The following KCNMA1 variants were observed in gnomAD, a reference collection of about 807,000 sequenced individuals.
KCNMA1 encodes Calcium-activated potassium channel subunit alpha-1.
KCNMA1 carries 29 observed loss-of-function variants against 140.0 expected under a neutral mutation model. The ratio of observed to expected loss-of-function variants is 0.21; its 90% CI spans 0.15 to 0.28. The LOEUF (loss-of-function observed/expected upper bound fraction) is 0.28. Among genes scored for constraint, KCNMA1 ranks in the 10% least tolerant of loss-of-function variants. The probability of loss-of-function intolerance (pLI) is 1.00; values close to 1 mark genes in which losing one functional copy is unlikely to be tolerated. For synonymous variants in KCNMA1, 612 were observed against 611.9 expected (o/e 1.00, Z 0.00); for missense variants, 880 against 1,602.2 (o/e 0.55, Z 7.70).
In KCNMA1 at chr10:77,344,857, G is replaced by A. The variant is rs116730556; in HGVS notation, c.540+59005C>T. Among the ~76,000 whole-genome samples, 1,338 of 152,054 alleles carry A rather than the reference G, an allele frequency of 8.8e-3. 22 individuals are homozygous for A. The highest frequency in any genetic ancestry group is 0.031 in the African/African-American group (1,266 of 41,468). On this transcript the variant is annotated intron_variant, in intron 2 of 27. Coordinates refer to ENST00000286628, the MANE Select transcript of KCNMA1 (RefSeq NM_001161352.2). ...AAAGACGGAGACCTTTCCTGTCTCC[G>A]TTGGCCACATCCCCAACACCACACC...
intron 27 of KCNMA1, 53 bp from the exon 28 acceptor site, chr10:76,887,568 T>C: frequency 6.2e-7 from 1 of 1,606,080 alleles, no homozygotes; most frequent in Non-Finnish European, 8.5e-7. Context: ...AGTAAAGAAT[T>C]CAACTCTCTC....
intron 2 of KCNMA1, among the ~76,000 whole-genome samples, chr10:77,354,848 T>C (rs1177495280): frequency 6.6e-6 from 1 of 152,192 alleles, no homozygotes; most frequent in African/African-American, 2.4e-5. Flanking sequence ...CTTGGAGCTA[T>C]ATAGAACCTT....
chr10:76,878,767 T>A (rs1475184938), intron 29 of KCNMA1, among the ~76,000 whole-genome samples: 1 of 152,100 alleles, frequency 6.6e-6, no homozygotes, highest in Non-Finnish European at 1.5e-5. Context: ...TCTAGCATCC[T>A]CTTAGCAGTG....
intron 1 of KCNMA1, among the ~76,000 whole-genome samples, chr10:77,632,388 C>A (rs2093318004): frequency 6.6e-6 from 1 of 152,104 alleles, no homozygotes; most frequent in African/African-American, 2.4e-5. Context: ...TGGAATTTGT[C>A]CCTCCTCAAG....
At chr10:76,945,884 C>T (rs1390584559) in intron 22 of KCNMA1, among the ~76,000 whole-genome samples, 1 of 151,838 alleles carries the variant, frequency 6.6e-6, no homozygotes, top group Non-Finnish European at 1.5e-5. Flanking sequence ...GGAAAAATAG[C>T]CATTACACTA....
chr10:77,199,134 A>C (rs910463750), intron 3 of KCNMA1, among the ~76,000 whole-genome samples: 4 of 152,202 alleles, frequency 2.6e-5, no homozygotes, highest in Non-Finnish European at 5.9e-5. Context: ...CCACTTGATC[A>C]CAATTTATTC....
chr10:77,634,550 C>CAGATGCTACAAA (rs11267950), intron 1 of KCNMA1: 719,362 of 983,084 alleles, frequency 0.73, 264,584 homozygotes, highest in African/African-American at 0.9. Flanking sequence ...CACAGAATTT[C>CAGATGCTACAAA]AGACCTGCTT....
At chr10:77,589,872 A>G (rs920784252) in intron 1 of KCNMA1, among the ~76,000 whole-genome samples, 16 of 152,134 alleles carry the variant, frequency 1.1e-4, no homozygotes, top group Non-Finnish European at 1.9e-4. Flanking sequence ...CCGGGTTGCC[A>G]CTGCTGGCTG....
chr10:77,162,711 T>C (rs2098577777), intron 5 of KCNMA1, among the ~76,000 whole-genome samples: 1 of 152,230 alleles, frequency 6.6e-6, no homozygotes, highest in South Asian at 2.1e-4. Context: ...CAGAAAGTGT[T>C]AAAGCATTAG....
intron 13 of KCNMA1, among the ~76,000 whole-genome samples, chr10:77,074,524 C>T (rs2096323099): frequency 6.6e-6 from 1 of 152,246 alleles, no homozygotes; most frequent in Non-Finnish European, 1.5e-5. Flanking sequence ...CTCGTCCTCA[C>T]AGAGACAGGA....
At chr10:77,354,461 GTAAATTTAGCT>G (rs1288237495) in intron 2 of KCNMA1, 1 of 152,184 alleles carries the variant, frequency 6.6e-6, no homozygotes, top group Admixed American at 6.5e-5. Flanking sequence ...AGGACTGAAA[GTAAATTTAGCT>G]TCCTCAGCAG....
intron 18 of KCNMA1, among the ~76,000 whole-genome samples, chr10:77,007,015 G>A (rs1257652125): frequency 6.6e-6 from 1 of 152,146 alleles, no homozygotes; most frequent in Non-Finnish European, 1.5e-5. Flanking sequence ...AGGAATGAGG[G>A]GACTGAATTT....
chr10:77,113,642 T>A (rs2097378016), intron 6 of KCNMA1, among the ~76,000 whole-genome samples: 1 of 152,036 alleles, frequency 6.6e-6, no homozygotes, highest in Non-Finnish European at 1.5e-5. Context: ...TTTTGTATTT[T>A]TAGTAGAGAT....
At chr10:76,993,751 G>A (rs1027317166) in intron 19 of KCNMA1, among the ~76,000 whole-genome samples, 2 of 152,148 alleles carry the variant, frequency 1.3e-5, no homozygotes, top group African/African-American at 2.4e-5. Context: ...TGATAGTGTC[G>A]CACTGTCTAA....
chr10:77,634,539 C>T, intron 1 of KCNMA1: 1 of 507,916 alleles, frequency 2.0e-6, no homozygotes, highest in Non-Finnish European at 2.2e-6. Flanking sequence ...ATTTTATCTC[C>T]CACAGAATTT....
chr10:77,300,661 T>C (rs932404683), intron 2 of KCNMA1, among the ~76,000 whole-genome samples: 1 of 152,184 alleles, frequency 6.6e-6, no homozygotes, highest in African/African-American at 2.4e-5. Flanking sequence ...GAAAATATGG[T>C]CTTTTAATTA....
intron 2 of KCNMA1, among the ~76,000 whole-genome samples, chr10:77,262,502 G>A (rs2062282404): frequency 6.6e-6 from 1 of 152,052 alleles, no homozygotes; most frequent in African/African-American, 2.4e-5. Context: ...ATATGGTTTG[G>A]ATGTCTTCCC....
rs544199359 is a variant in KCNMA1 at position 77,462,916 on chromosome 10, G to A, written c.379-58893C>T. On this transcript the variant is annotated intron_variant, in intron 1 of 27. Transcript: ENST00000286628. The stretch of plus-strand genomic sequence containing the variant: ...CAGCCAGCATCTTGCTGGCCTCTTG[G>A]TGGAGTGTTGCTGATCCATGCCTCT... Among the ~76,000 whole-genome samples the A allele has an allele frequency of 3.3e-5, 5 of 152,274 alleles. No individual in the cohort carries two copies. In the East Asian group the frequency reaches 9.7e-4, roughly 29 times the overall value.
chr10:77,506,596 A>AGAGAGTGT, intron 1 of KCNMA1, among the ~76,000 whole-genome samples: 15 of 83,560 alleles, frequency 1.8e-4, no homozygotes, highest in South Asian at 4.4e-4. Context: ...AGAGAGAGAG[A>AGAGAGTGT]GTGTGTGTGT....
Sources: allele counts gnomAD v4.1 joint callset (sites outside exome capture counted in the v4.1 genomes callset), GRCh38; gene constraint gnomAD v4.1.1; transcripts MANE v1.5; gene names NCBI Gene and HGNC (gene_info 2026-07-23, HGNC 2026-07-21).